ANO6: variants seen among roughly 807,000 people sequenced by gnomAD.
ANO6 encodes anoctamin-6.
A neutral mutation model predicts 117.5 loss-of-function variants in ANO6; 106 were observed. The observed-to-expected ratio is 0.90, with a 90% CI of 0.77 to 1.06. ANO6 has a LOEUF of 1.06. ANO6 is among the 50% of genes least tolerant of loss of function. The pLI is 0.00. For synonymous variants in ANO6, 367 were observed against 385.1 expected (o/e 0.95, Z 0.55); for missense variants, 955 against 1,121.1 (o/e 0.85, Z 2.12).
intron 16 of ANO6, 84 bp downstream of exon 16, chr12:45,409,571 T>C: frequency 6.9e-7 from 1 of 1,457,000 alleles, no homozygotes; most frequent in East Asian, 2.3e-5. Context: ...TTGAGCCATA[T>C]TAACATTTAG....
In ANO6 at chr12:45,429,969, C is replaced by T; in HGVS notation, c.*658C>T. The T allele has an allele frequency of 2.0e-6, 2 of 987,020 alleles. No homozygotes were observed. Among genetic ancestry groups the T allele is most frequent in the Non-Finnish European group, 2.4e-6 (2 of 831,104 alleles). The allele number at this position is 987,020 out of a possible 1,614,324, so 61.1% of individuals were successfully genotyped here. A position where few individuals can be genotyped will look rare whatever the true frequency, so the allele number is the denominator to read the frequency against. ...TAGCAAGGTTTTGAAGCATATTTGT[C>T]CTAATCCACAGTGACACTTTTTATC... On this transcript the variant is annotated 3_prime_UTR_variant, in exon 20 of 20. Coordinates refer to ENST00000320560, the MANE Select transcript of ANO6 (RefSeq NM_001025356.3).
chr12:45,439,919 T>G, exon 20 of ANO6: 1 of 1,490,606 alleles, frequency 6.7e-7, no homozygotes, highest in East Asian at 2.5e-5. Context: ...TGTTTTTCTG[T>G]ATCGAATTTC....
intron 11 of ANO6, among the ~76,000 whole-genome samples, chr12:45,389,805 A>C (rs7312150): frequency 0.08 from 12,120 of 152,230 alleles, 769 homozygotes; most frequent in African/African-American, 0.17. Flanking sequence ...CTAAGGATTG[A>C]GTTAATGTAT....
At chr12:45,414,067 C>T (rs1170185282) in intron 16 of ANO6, among the ~76,000 whole-genome samples, 3 of 151,926 alleles carry the variant, frequency 2.0e-5, no homozygotes, top group Non-Finnish European at 4.4e-5. Context: ...CAGCCACTGG[C>T]AAAGTTAGCA....
downstream of ANO6, among the ~76,000 whole-genome samples, chr12:45,436,794 C>T (rs1001393356): frequency 1.3e-5 from 2 of 152,116 alleles, no homozygotes; most frequent in Non-Finnish European, 2.9e-5. Context: ...ATGGTGAAAC[C>T]CTATTTCTAC....
intron 1 of ANO6, among the ~76,000 whole-genome samples, chr12:45,244,065 C>T (rs555834276): frequency 6.6e-6 from 1 of 152,276 alleles, no homozygotes; most frequent in South Asian, 2.1e-4. Context: ...AAATGCTATA[C>T]AGAGTTTTTC....
intron 1 of ANO6, among the ~76,000 whole-genome samples, chr12:45,261,281 A>T (rs4768085): frequency 6.6e-6 from 1 of 152,082 alleles, no homozygotes; most frequent in Non-Finnish European, 1.5e-5. Context: ...GATTCAGAAC[A>T]TCTTCCCATT....
At chr12:45,345,766 G>C (rs1331000281) in intron 3 of ANO6, among the ~76,000 whole-genome samples, 2 of 152,072 alleles carry the variant, frequency 1.3e-5, no homozygotes, top group African/African-American at 4.8e-5. Flanking sequence ...ATCAGATTTT[G>C]AACCCAGGAA....
chr12:45,341,882 A>C (rs1940989466), intron 3 of ANO6, among the ~76,000 whole-genome samples: 1 of 152,132 alleles, frequency 6.6e-6, no homozygotes, highest in Non-Finnish European at 1.5e-5. Flanking sequence ...GAAGTCGAGC[A>C]TGTTAAAAGG....
chr12:45,315,035 G>A (rs1184349646), intron 2 of ANO6, among the ~76,000 whole-genome samples: 1 of 152,030 alleles, frequency 6.6e-6, no homozygotes, highest in East Asian at 1.9e-4. Flanking sequence ...AATGTGGAAT[G>A]TAGAAATGTT....
At chr12:45,416,934 G>A (rs1943229440) in intron 17 of ANO6, 30 bp downstream of exon 17, 4 of 1,607,930 alleles carry the variant, frequency 2.5e-6, no homozygotes, top group Non-Finnish European at 3.4e-6. Context: ...ACAGAGTAAA[G>A]ACCTTGAAGA....
At chr12:45,365,251 G>A (rs1032615048) in intron 8 of ANO6, among the ~76,000 whole-genome samples, 4 of 152,180 alleles carry the variant, frequency 2.6e-5, no homozygotes, top group African/African-American at 9.7e-5. Flanking sequence ...CCAGAGGTAA[G>A]GGATTAAGGT....
intron 9 of ANO6, 84 bp from the exon 10 acceptor site, chr12:45,377,967 CTG>C: frequency 7.6e-7 from 1 of 1,309,106 alleles, no homozygotes. Flanking sequence ...AACTTCAAGA[CTG>C]TAGAATAGAC....
chr12:45,431,810 C>A lies in ANO6; in HGVS notation c.*2499C>A. ...GGACCTGTGAAGAGGGAGAATCTAG[C>A]CTTCAGCCTGTCCAGTGTTAACCAC... On this transcript the variant is annotated 3_prime_UTR_variant, in exon 20 of 20. Transcript: ENST00000320560. 1 of 985,426 alleles carries A rather than the reference C, an allele frequency of 1.0e-6. No homozygotes were observed. The highest frequency in any genetic ancestry group is 1.2e-6 in the Non-Finnish European group (1 of 829,932). 61.0% of individuals were successfully genotyped at this position (985,426 alleles called of 1,614,324 possible).
rs1227291398 is a variant in ANO6 at position 45,429,660 on chromosome 12, T to G, written c.*349T>G. The G allele has an allele frequency of 2.6e-6, 3 of 1,143,600 alleles. No homozygotes were observed. The African/African-American group carries it at 4.9e-5, about 19-fold the overall frequency. The allele number at this position is 1,143,600 out of a possible 1,614,324, so 70.8% of individuals were successfully genotyped here. A position where few individuals can be genotyped will look rare whatever the true frequency, so the allele number is the denominator to read the frequency against. ...TGATTATTTTCATTTCTGTCTATTC[T>G]CAGGCGCATGATCTCCTTTATTTTT... is the stretch of plus-strand genomic sequence containing the variant. On this transcript the variant is annotated 3_prime_UTR_variant, in exon 20 of 20. Transcript: ENST00000320560.
chr12:45,225,458 A>G (rs7132196), intron 1 of ANO6, among the ~76,000 whole-genome samples: 2,069 of 151,928 alleles, frequency 0.014, 51 homozygotes, highest in African/African-American at 0.047. Flanking sequence ...CACATAGTAG[A>G]TGTTCAACAA....
At chr12:45,339,386 C>T (rs1940915777) in intron 3 of ANO6, among the ~76,000 whole-genome samples, 1 of 152,110 alleles carries the variant, frequency 6.6e-6, no homozygotes, top group South Asian at 2.1e-4. Context: ...CTTTATTGTA[C>T]ACTTAATTAA....
intron 8 of ANO6, among the ~76,000 whole-genome samples, chr12:45,361,041 T>G (rs1941542337): frequency 6.6e-6 from 1 of 152,222 alleles, no homozygotes; most frequent in African/African-American, 2.4e-5. Flanking sequence ...CTGTTCTGGG[T>G]CTTTTGCATT....
chr12:45,403,289 T>A, intron 14 of ANO6, 48 bp downstream of exon 14: 1 of 1,591,466 alleles, frequency 6.3e-7, no homozygotes, highest in Non-Finnish European at 8.6e-7. Context: ...CTGAGTTTTC[T>A]CTCAGTTGCC....
Sources: allele counts gnomAD v4.1 joint callset (sites outside exome capture counted in the v4.1 genomes callset), GRCh38; gene constraint gnomAD v4.1.1; transcripts MANE v1.5; gene names NCBI Gene and HGNC (gene_info 2026-07-23, HGNC 2026-07-21).